The following KLF12 variants were observed in gnomAD, a reference collection of about 807,000 sequenced individuals.
The protein encoded by KLF12 is Krueppel-like factor 12.
KLF12 carries 9 observed loss-of-function variants against 37.8 expected under a neutral mutation model. The ratio of observed to expected loss-of-function variants is 0.24; its 90% CI spans 0.14 to 0.42. The LOEUF is 0.42. Ranked by LOEUF, KLF12 falls within the 10% of genes least tolerant of loss-of-function variation. KLF12 has a pLI of 1.00. For synonymous variants in KLF12, 208 were observed against 202.1 expected (o/e 1.03, Z -0.25); for missense variants, 411 against 516.0 (o/e 0.80, Z 1.97).
chr13:73,829,307 C>G (rs543756610), intron 4 of KLF12, among the ~76,000 whole-genome samples: 84 of 152,122 alleles, frequency 5.5e-4, no homozygotes, highest in African/African-American at 1.9e-3. Flanking sequence ...ATCTGGCAGG[C>G]CAAATTTTAT....
chr13:73,743,053 C>T (rs1594036769), intron 6 of KLF12, among the ~76,000 whole-genome samples: 2 of 151,804 alleles, frequency 1.3e-5, no homozygotes, highest in South Asian at 4.1e-4. Flanking sequence ...TTAGTCTCAT[C>T]CCTTTCGTAG....
At chr13:73,815,303 G>T (rs1182251897) in intron 4 of KLF12, among the ~76,000 whole-genome samples, 3 of 152,154 alleles carry the variant, frequency 2.0e-5, no homozygotes, top group Admixed American at 2.0e-4. Flanking sequence ...GGCACTTGAA[G>T]GAACCATTAT....
At chr13:74,280,450 C>T in the KLF12 span, among the ~76,000 whole-genome samples, 2 of 152,126 alleles carry the variant, frequency 1.3e-5, no homozygotes, top group Non-Finnish European at 2.9e-5. Flanking sequence ...TCTGATTTAC[C>T]CTTAAGCCAT....
At chr13:73,704,262 G>C (rs1874763814) in intron 7 of KLF12, among the ~76,000 whole-genome samples, 1 of 152,148 alleles carries the variant, frequency 6.6e-6, no homozygotes, top group Non-Finnish European at 1.5e-5. Flanking sequence ...GCGCCAGAGA[G>C]GGAGACAGGA....
intron 1 of KLF12, among the ~76,000 whole-genome samples, chr13:74,030,340 G>A (rs914472689): frequency 2.6e-5 from 4 of 152,028 alleles, no homozygotes; most frequent in African/African-American, 9.7e-5. Context: ...AGCAGAGCAG[G>A]AGCACACACT....
chr13:73,955,587 G>A (rs977994386), intron 2 of KLF12, among the ~76,000 whole-genome samples: 3 of 152,172 alleles, frequency 2.0e-5, no homozygotes, highest in Non-Finnish European at 2.9e-5. Context: ...GTGTCTGATA[G>A]TGCTTCCTAG....
intron 1 of KLF12, among the ~76,000 whole-genome samples, chr13:74,032,949 C>T (rs1034417588): frequency 2.6e-5 from 4 of 152,128 alleles, no homozygotes; most frequent in Non-Finnish European, 4.4e-5. Flanking sequence ...AACTCCATTT[C>T]TCTGTATCTA....
chr13:74,127,307 G>C (rs1043187232), intron 1 of KLF12, among the ~76,000 whole-genome samples: 4 of 152,230 alleles, frequency 2.6e-5, no homozygotes, highest in African/African-American at 4.8e-5. Flanking sequence ...AAAGTGAATC[G>C]AGGAATGGTT....
chr13:73,766,426 T>C (rs570450179), intron 5 of KLF12, among the ~76,000 whole-genome samples: 2 of 152,330 alleles, frequency 1.3e-5, no homozygotes, highest in South Asian at 2.1e-4. Context: ...ATAAAAATTA[T>C]ACGAAAGGCA....
At chr13:74,167,525 G>A in the KLF12 span, among the ~76,000 whole-genome samples, 1 of 152,166 alleles carries the variant, frequency 6.6e-6, no homozygotes, top group Non-Finnish European at 1.5e-5. Context: ...AAATTTTGAT[G>A]GGATTCAAAG....
the KLF12 span, among the ~76,000 whole-genome samples, chr13:74,230,776 T>C: frequency 6.6e-6 from 1 of 152,230 alleles, no homozygotes. Context: ...CAAGCTTCTC[T>C]AAACCTGGTG....
intron 1 of KLF12, among the ~76,000 whole-genome samples, chr13:74,083,273 G>T (rs1593885063): frequency 6.6e-6 from 1 of 152,268 alleles, no homozygotes; most frequent in East Asian, 1.9e-4. Context: ...AACACTTTAG[G>T]ACACCAAGGC....
chr13:73,963,664 A>C (rs9318237), intron 2 of KLF12, among the ~76,000 whole-genome samples: 51,770 of 152,100 alleles, frequency 0.34, 10,716 homozygotes, highest in East Asian at 0.59. Flanking sequence ...ATAATTTAGT[A>C]CTCGTATGAC....
intron 6 of KLF12, among the ~76,000 whole-genome samples, chr13:73,746,809 C>CATTT (rs1566338130): frequency 8.4e-6 from 1 of 119,184 alleles, no homozygotes; most frequent in African/African-American, 3.9e-5. Flanking sequence ...CTCCCTCCCT[C>CATTT]CTTTTTTTTT....
the KLF12 span, among the ~76,000 whole-genome samples, chr13:74,243,182 A>G: frequency 6.6e-6 from 1 of 151,816 alleles, no homozygotes; most frequent in African/African-American, 2.4e-5. Context: ...TTCAACTCCC[A>G]CTTATGAGTG....
upstream of KLF12, among the ~76,000 whole-genome samples, chr13:74,134,038 G>C (rs1340541817): frequency 1.3e-5 from 2 of 152,050 alleles, no homozygotes; most frequent in African/African-American, 2.4e-5. Context: ...TGCGAGCCCC[G>C]GTCTAGTGTG....
intron 2 of KLF12, among the ~76,000 whole-genome samples, chr13:73,951,506 T>C (rs1890646800): frequency 6.6e-6 from 1 of 152,306 alleles, no homozygotes; most frequent in South Asian, 2.1e-4. Flanking sequence ...CAGGGTACTT[T>C]GGCACTGCTA....
chr13:74,258,497 T>C, the KLF12 span: 1 of 152,200 alleles, frequency 6.6e-6, no homozygotes, highest in African/African-American at 2.4e-5. Flanking sequence ...CAGAGATTAA[T>C]AACCAGGACT....
At chr13:74,258,916 A>G in the KLF12 span, 1 of 152,292 alleles carries the variant, frequency 6.6e-6, no homozygotes, top group Admixed American at 6.5e-5. Context: ...GAAAGCTAAT[A>G]GAAGGTCCCG....
Sources: allele counts gnomAD v4.1 joint callset (sites outside exome capture counted in the v4.1 genomes callset), GRCh38; gene constraint gnomAD v4.1.1; transcripts MANE v1.5; gene names NCBI Gene and HGNC (gene_info 2026-07-23, HGNC 2026-07-21).